Variants in GON4L observed in about 807,000 individuals in gnomAD.
GON4L encodes the protein GON-4-like protein.
In GON4L, 87 loss-of-function variants were observed where a neutral mutation model predicts 211.8. The ratio of observed to expected loss-of-function variants is 0.41; its 90% CI spans 0.35 to 0.49. The LOEUF (loss-of-function observed/expected upper bound fraction) is 0.49. Ranked by LOEUF, GON4L falls within the 20% of genes least tolerant of loss-of-function variation. The pLI is 0.15. For synonymous variants in GON4L, 875 were observed against 962.6 expected (o/e 0.91, Z 1.68); for missense variants, 2,155 against 2,659.5 (o/e 0.81, Z 4.17).
intron 2 of GON4L, among the ~76,000 whole-genome samples, chr1:155,850,385 C>A (rs890353197): frequency 2.6e-5 from 4 of 152,162 alleles, no homozygotes; most frequent in Admixed American, 6.5e-5. Flanking sequence ...ACACAGGTGT[C>A]CCAAAAGCAA....
At chr1:155,858,258 T>TA (rs1026730929), upstream of GON4L, among the ~76,000 whole-genome samples, 15 of 152,092 alleles carry the variant, frequency 9.9e-5, no homozygotes, top group African/African-American at 3.6e-4. Context: ...CCACGGAGAT[T>TA]AAAAAAATAA....
At chr1:155,815,270 C>T (rs912460109) in intron 8 of GON4L, among the ~76,000 whole-genome samples, 1 of 152,088 alleles carries the variant, frequency 6.6e-6, no homozygotes, top group South Asian at 2.1e-4. Context: ...CGAAGTATAG[C>T]TAAAACCAAT....
At chr1:155,784,157 AG>A (rs918944661) in intron 13 of GON4L, 68 bp from the exon 14 acceptor site, 30 of 1,586,060 alleles carry the variant, frequency 1.9e-5, no homozygotes, top group Non-Finnish European at 2.3e-5. Context: ...AGTATTGGGA[AG>A]GAAGAGTGAA....
At chr1:155,818,224 C>T (rs551373085) in intron 6 of GON4L, among the ~76,000 whole-genome samples, 5 of 151,966 alleles carry the variant, frequency 3.3e-5, no homozygotes, top group East Asian at 3.9e-4. Flanking sequence ...TGAGTTCAAG[C>T]GATCCTCTCG....
At chr1:155,755,027 C>A (rs1382350091) in intron 27 of GON4L, among the ~76,000 whole-genome samples, 1 of 151,082 alleles carries the variant, frequency 6.6e-6, no homozygotes, top group African/African-American at 2.4e-5. Flanking sequence ...CCACCTCAGC[C>A]TCCCAAGTAG....
In GON4L at chr1:155,853,320, T is replaced by A. The variant is rs758563568; in HGVS notation, c.461A>T (p.Glu154Val). ...EDRCDHLTLK[E>V]PFSGEPSEEV... is the part of the protein sequence containing the mutation. ...TTCACTAGGCTCTCCTGAAAAAGGCTCCTTTAGGGTAAGATGATCACATCT... is the reference window on the plus strand; with the variant it reads ...TTCACTAGGCTCTCCTGAAAAAGGCACCTTTAGGGTAAGATGATCACATCT... Residue 154 changes from glutamate (E) to valine (V), a missense_variant, in exon 2 of 32, where the codon GAG becomes GTG. By Grantham distance (121) the Glu-to-Val change is moderately radical. This residue lies in a region of GON4L where 313 missense variants were observed against 293.2 expected (regional missense o/e 1.07). Coordinates refer to ENST00000368331, the MANE Select transcript of GON4L (RefSeq NM_001282860.2). 1 of 1,613,964 alleles carries A rather than the reference T, an allele frequency of 6.2e-7. No homozygotes were observed. The highest frequency in any genetic ancestry group is 1.3e-5 in the African/African-American group (1 of 74,922).
chr1:155,843,772 G>A lies in GON4L; in HGVS notation c.505+9504C>T, dbSNP rs1022550056. Among the ~76,000 whole-genome samples the A allele has an allele frequency of 9.9e-5, 15 of 152,246 alleles. No homozygotes were observed. The East Asian group carries it at 2.3e-3, about 24-fold the overall frequency. On this transcript the variant is annotated intron_variant, in intron 2 of 31. Transcript: ENST00000368331. The stretch of plus-strand genomic sequence containing the variant: ...GAGGTACCACCCTCTGGTGGAAAAC[G>A]AGGGCTACTCAATCACCCCCATTGG...
intron 16 of GON4L, 27 bp from the exon 17 acceptor site, chr1:155,775,200 T>C (rs371682101): frequency 1.2e-5 from 19 of 1,613,976 alleles, no homozygotes; most frequent in African/African-American, 9.3e-5. Flanking sequence ...CAAGAAAGAT[T>C]TAAGACAATT....
Position 155,826,846 on chromosome 1 carries a change from T to C in GON4L, c.688A>G (p.Ile230Val). The part of the protein sequence containing the change: ...EEEIEDGGLF[I>V]PMEEQDNEES... ...GAAAAAGAAAGCCTACCCATTGGAA[T>C]GAAGAGTCCACCATCTTCTATCTCT... Residue 230 changes from isoleucine to valine, a missense_variant, in exon 3 of 32, where the codon ATT becomes GTT. Physicochemically the swap from Ile to Val is conservative, Grantham distance 29 (BLOSUM62 3). Around this residue, in one of 6 missense-constraint regions of GON4L, gnomAD observed 313 missense variants for 293.2 expected, o/e 1.07. Coordinates refer to ENST00000368331, the MANE Select transcript of GON4L (RefSeq NM_001282860.2). The C allele has an allele frequency of 1.2e-6, 2 of 1,606,986 alleles. No individual in the cohort carries two copies. Among genetic ancestry groups the C allele is most frequent in the South Asian group, 1.1e-5 (1 of 90,910 alleles).
In GON4L at chr1:155,785,325, A is replaced by G; in HGVS notation, c.1788+9T>C. On this transcript the variant is annotated intron_variant, in intron 13 of 31. Coordinates refer to ENST00000368331, the MANE Select transcript of GON4L (RefSeq NM_001282860.2). ...AATCCCGTGTTCTCACTCGAGGATCATTACTCACAGTTTCAAACAGCTCTT... is the reference window on the plus strand; with the variant it reads ...AATCCCGTGTTCTCACTCGAGGATCGTTACTCACAGTTTCAAACAGCTCTT... 2 of 1,556,770 alleles carry G rather than the reference A, an allele frequency of 1.3e-6. No homozygotes were observed. The highest frequency in any genetic ancestry group is 1.8e-6 in the Non-Finnish European group (2 of 1,127,522).
downstream of GON4L, among the ~76,000 whole-genome samples, chr1:155,749,078 C>A (rs191981620): frequency 2.0e-4 from 31 of 152,108 alleles, no homozygotes; most frequent in Middle Eastern, 3.4e-3. Flanking sequence ...ACATGGTGAA[C>A]CCCATCTCTA....
chr1:155,753,775 C>G (rs550513925), intron 28 of GON4L, among the ~76,000 whole-genome samples: 28 of 152,110 alleles, frequency 1.8e-4, no homozygotes, highest in African/African-American at 5.5e-4. Flanking sequence ...CAGGCATGAC[C>G]ATGGTGGTAC....
chr1:155,794,774 GAACTCCTAC>G (rs1320650815), intron 12 of GON4L, among the ~76,000 whole-genome samples: 5 of 152,092 alleles, frequency 3.3e-5, no homozygotes, highest in African/African-American at 1.2e-4. Context: ...CTACTAGGCT[GAACTCCTAC>G]AGCACAGATG....
In GON4L at chr1:155,752,101, G is replaced by C. The variant is rs1163591491; in HGVS notation, c.6332C>G (p.Pro2111Arg). 6.2e-6 allele frequency: 10 copies of C among 1,613,702 alleles called. No individual in the cohort carries two copies. In the East Asian group the frequency reaches 2.2e-4, roughly 36 times the overall value. The change falls in exon 30 of 32, where the codon CCT (proline) becomes CGT (arginine). Residue 2111 changes from proline (P) to arginine (R), a missense_variant. By Grantham distance (103) the Pro-to-Arg change is moderately radical. Coordinates refer to ENST00000368331, the MANE Select transcript of GON4L (RefSeq NM_001282860.2). ...ACTGTCTTTAGCCAAACCCCCTCTAGGGGCTTTGGGAGAAGTCTCTGAGGT... is the reference window on the plus strand; with the variant it reads ...ACTGTCTTTAGCCAAACCCCCTCTACGGGCTTTGGGAGAAGTCTCTGAGGT... ...IDTSETSPKA[P>R]RGGLAKDSGT... is the part of the protein sequence containing the mutation.
chr1:155,809,839 CTT>C (rs10587824), intron 10 of GON4L, among the ~76,000 whole-genome samples: 411 of 15,460 alleles, frequency 0.027, 153 homozygotes, highest in Admixed American at 0.03. Context: ...AAATTATATA[CTT>C]ATATATAATT....
At chr1:155,801,476 G>A (rs911114552) in intron 11 of GON4L, among the ~76,000 whole-genome samples, 2 of 151,438 alleles carry the variant, frequency 1.3e-5, no homozygotes, top group African/African-American at 2.4e-5. Context: ...TTCATTTTGT[G>A]GCTTGTTAGC....
Position 155,771,128 on chromosome 1 carries a change from T to C in GON4L, c.2585A>G (p.His862Arg), listed in dbSNP as rs1373121797. The C allele has an allele frequency of 2.5e-6, 4 of 1,614,186 alleles. No individual in the cohort carries two copies. Among genetic ancestry groups the C allele is most frequent in the East Asian group, 2.2e-5 (1 of 44,878 alleles). ...GTTCTTGATTCTCACTGTCAGTTGG[T>C]GGGCAGTTTTGCAGGTTAGAAGGTA... is the stretch of plus-strand genomic sequence containing the variant. ...SKYLLTCKTAHQLTVRIKNLN... is the reference protein window; with the variant it reads ...SKYLLTCKTARQLTVRIKNLN... The change falls in exon 19 of 32, where the codon CAC (histidine) becomes CGC (arginine). Residue 862 changes from histidine to arginine, a missense_variant. His to Arg is a conservative substitution (Grantham distance 29). Transcript: ENST00000368331.
At chr1:155,776,329 G>A (rs2101842502) in intron 16 of GON4L, 66 bp downstream of exon 16, 1 of 1,108,720 alleles carries the variant, frequency 9.0e-7, no homozygotes, top group South Asian at 1.2e-5. Flanking sequence ...GTGAATAACT[G>A]AGAAATAACC....
At chr1:155,747,747 C>T (rs1287335548), downstream of GON4L, 4 of 1,613,878 alleles carry the variant, frequency 2.5e-6, no homozygotes, top group South Asian at 4.4e-5. Context: ...TCTTTCGTCA[C>T]TCACCCCCGC....
Sources: allele counts gnomAD v4.1 joint callset (sites outside exome capture counted in the v4.1 genomes callset), GRCh38; gene constraint gnomAD v4.1.1; regional missense constraint gnomAD v4.1.1; transcripts MANE v1.5; gene names NCBI Gene and HGNC (gene_info 2026-07-23, HGNC 2026-07-21).